CWC22: variants seen among roughly 807,000 people sequenced by gnomAD.
CWC22 encodes pre-mRNA-splicing factor CWC22 homolog.
A neutral mutation model predicts 117.2 loss-of-function variants in CWC22; 53 were observed. The observed-to-expected ratio is 0.45, with a 90% CI of 0.36 to 0.57. The LOEUF (loss-of-function observed/expected upper bound fraction) is 0.57. Among genes scored for constraint, CWC22 ranks in the 20% least tolerant of loss-of-function variants. The pLI, the probability that CWC22 is intolerant of heterozygous loss-of-function variation, is 0.00. For synonymous variants in CWC22, 360 were observed against 355.6 expected (o/e 1.01, Z -0.14); for missense variants, 980 against 1,068.8 (o/e 0.92, Z 1.16).
chr2:179,946,953 A>C (rs1312169419), intron 19 of CWC22, among the ~76,000 whole-genome samples: 1 of 152,162 alleles, frequency 6.6e-6, no homozygotes, highest in African/African-American at 2.4e-5. Context: ...AAGACCTCAA[A>C]CAATTTGATT....
chr2:179,973,489 G>T, intron 7 of CWC22, 145 bp downstream of exon 7: 1 of 663,010 alleles, frequency 1.5e-6, no homozygotes, highest in Non-Finnish European at 2.6e-6. Context: ...ATATTTAACA[G>T]ATCAAAGAAG....
At position 179,965,866 on chromosome 2, in the gene CWC22, C is replaced by T; in HGVS notation, c.1315+12G>A. 7.1e-7 allele frequency: 1 copy of T among 1,407,604 alleles called. No individual in the cohort carries two copies. The allele number at this position is 1,407,604 out of a possible 1,614,324, so 87.2% of individuals were successfully genotyped here. On this transcript the variant is annotated intron_variant, in intron 12 of 19. Coordinates refer to ENST00000410053, the MANE Select transcript of CWC22 (RefSeq NM_020943.3). ...TATCTTATAATATTATTTGAATATGCTACATGTTTACCTTCTTCATCTTCT... is the reference window on the plus strand; with the variant it reads ...TATCTTATAATATTATTTGAATATGTTACATGTTTACCTTCTTCATCTTCT...
At chr2:179,955,065 C>T (rs1401378230) in intron 14 of CWC22, 31 bp from the exon 15 acceptor site, 14 of 1,397,722 alleles carry the variant, frequency 1.0e-5, no homozygotes, top group Non-Finnish European at 1.4e-5. Flanking sequence ...ATTAATGATT[C>T]AAAACACAAA....
At chr2:179,962,365 C>T (rs944140213) in intron 13 of CWC22, among the ~76,000 whole-genome samples, 2 of 152,116 alleles carry the variant, frequency 1.3e-5, no homozygotes, top group Non-Finnish European at 2.9e-5. Flanking sequence ...TTATTACATC[C>T]TATTCCTGAT....
chr2:179,977,349 G>A (rs1687177333), intron 6 of CWC22, among the ~76,000 whole-genome samples: 1 of 152,068 alleles, frequency 6.6e-6, no homozygotes, highest in Admixed American at 6.5e-5. Context: ...TGAATAAATG[G>A]ATAAAGAAAA....
chr2:179,955,069 A>G, intron 14 of CWC22, 35 bp from the exon 15 acceptor site: 4 of 1,338,600 alleles, frequency 3.0e-6, no homozygotes, highest in Non-Finnish European at 4.2e-6. Flanking sequence ...ATGATTCAAA[A>G]CACAAAGAGA....
Position 179,966,789 on chromosome 2 carries a change from C to T in CWC22, c.1211-807G>A, listed in dbSNP as rs7557387. 1.8e-3 allele frequency among the ~76,000 whole-genome samples: 269 copies of T among 152,264 alleles called. 1 individual carries two copies. Among genetic ancestry groups the T allele is most frequent in the African/African-American group, 5.9e-3 (246 of 41,558 alleles). On this transcript the variant is annotated intron_variant, in intron 11 of 19. Transcript: ENST00000410053. ...GCATACCTGACCAACTCTTTACTTT[C>T]GCATTTCTATTATAATCAGAGGGTT...
At chr2:179,987,500 GTTTT>G (rs1462345948) in intron 3 of CWC22, among the ~76,000 whole-genome samples, 1 of 151,918 alleles carries the variant, frequency 6.6e-6, no homozygotes, top group Non-Finnish European at 1.5e-5. Flanking sequence ...TTTTTTGTTT[GTTTT>G]TTGTTTTTAA....
chr2:179,995,821 A>G (rs1203905207), intron 1 of CWC22, among the ~76,000 whole-genome samples: 1 of 152,228 alleles, frequency 6.6e-6, no homozygotes, highest in Non-Finnish European at 1.5e-5. Context: ...GTACCACGCA[A>G]GGGTGGCTAA....
At chr2:179,995,468 C>T (rs1575658695) in intron 1 of CWC22, among the ~76,000 whole-genome samples, 1 of 152,072 alleles carries the variant, frequency 6.6e-6, no homozygotes, top group African/African-American at 2.4e-5. Flanking sequence ...AAGAGAGGTT[C>T]GAGACTAGAG....
chr2:179,945,178 TTTGA>T lies in CWC22; in HGVS notation c.2674_2677del (p.Ser892ArgfsTer21). 1 of 1,605,328 alleles carries T rather than the reference TTTGA, an allele frequency of 6.2e-7. No individual in the cohort carries two copies. The highest frequency in any genetic ancestry group is 8.5e-7 in the Non-Finnish European group (1 of 1,177,994). On this transcript the variant is annotated frameshift_variant, in exon 20 of 20. Transcript: ENST00000410053. LOFTEE classifies it high-confidence loss of function. ...TTCTCTTCGCCGGTCCTGATTTTTC[TTTGA>T]TTCTCTGGATTGTTCAGAGTATCTG...
intron 8 of CWC22, among the ~76,000 whole-genome samples, chr2:179,971,789 A>G (rs774974665): frequency 2.0e-5 from 3 of 152,232 alleles, no homozygotes; most frequent in Non-Finnish European, 4.4e-5. Flanking sequence ...ATGCCTTTCT[A>G]AAGTCAGACA....
chr2:179,947,238 A>T (rs962936412), intron 19 of CWC22, among the ~76,000 whole-genome samples: 1 of 152,134 alleles, frequency 6.6e-6, no homozygotes, highest in Non-Finnish European at 1.5e-5. Flanking sequence ...TGGTACAGTC[A>T]GTTGGTTTGC....
Position 179,954,196 on chromosome 2 carries a change from T to G in CWC22, c.1689+9A>C, listed in dbSNP as rs1487019094. On this transcript the variant is annotated intron_variant, in intron 16 of 19. Transcript: ENST00000410053. ...GGAAGGAAGTATAAATATTGACCCA[T>G]GTACTTACACTCCATGGAAGTGAAT... 44 of 1,596,490 alleles carry G rather than the reference T, an allele frequency of 2.8e-5. No individual in the cohort carries two copies. Among genetic ancestry groups the G allele is most frequent in the Non-Finnish European group, 3.3e-5 (39 of 1,167,768 alleles).
chr2:179,954,427 AT>A, intron 15 of CWC22, 70 bp from the exon 16 acceptor site: 4 of 926,786 alleles, frequency 4.3e-6, no homozygotes, highest in Non-Finnish European at 6.3e-6. Context: ...TAAATCCTAA[AT>A]TTACTGAATC....
rs561835098 is a variant in CWC22, at chr2:180,006,015, A to T, written c.-114+852T>A. On this transcript the variant is annotated intron_variant, in intron 1 of 19. Transcript: ENST00000410053. Reference sequence around the variant, plus strand: ...TGGTCAAAACCACACTTTTAATGTCAATTTTAAATCTGCCCTTCCATAGTA... The same window carrying T: ...TGGTCAAAACCACACTTTTAATGTCTATTTTAAATCTGCCCTTCCATAGTA... 2.6e-5 allele frequency among the ~76,000 whole-genome samples: 4 copies of T among 152,344 alleles called. No individual in the cohort carries two copies. The South Asian group carries it at 8.3e-4, about 32-fold the overall frequency.
intron 12 of CWC22, 60 bp from the exon 13 acceptor site, chr2:179,964,688 T>A: frequency 1.3e-6 from 1 of 795,072 alleles, no homozygotes; most frequent in Non-Finnish European, 2.1e-6. Context: ...AGTTAAAATG[T>A]AACTCTGTAT....
At chr2:180,004,461 A>G (rs262278) in intron 1 of CWC22, among the ~76,000 whole-genome samples, 52,223 of 151,740 alleles carry the variant, frequency 0.34, 9,399 homozygotes, top group Admixed American at 0.51. Context: ...GAGAGAGCTC[A>G]GCTCACTGCA....
intron 2 of CWC22, among the ~76,000 whole-genome samples, chr2:179,991,474 A>G (rs1320810540): frequency 6.6e-6 from 1 of 152,172 alleles, no homozygotes; most frequent in African/African-American, 2.4e-5. Flanking sequence ...TGGCTGGTAG[A>G]GCCAAGCCAC....
Sources: allele counts gnomAD v4.1 joint callset (sites outside exome capture counted in the v4.1 genomes callset), GRCh38; gene constraint gnomAD v4.1.1; transcripts MANE v1.5; gene names NCBI Gene and HGNC (gene_info 2026-07-23, HGNC 2026-07-21).